SBNO2: variants seen among roughly 807,000 people sequenced by gnomAD.
SBNO2 encodes strawberry notch homolog 2, also known as protein strawberry notch homolog 2.
Under a neutral mutation model 146.3 loss-of-function variants are expected in SBNO2, and 89 were observed. The ratio of observed to expected loss-of-function variants is 0.61; its 90% CI spans 0.51 to 0.73. The LOEUF (loss-of-function observed/expected upper bound fraction) is 0.73. Ranked by LOEUF, SBNO2 falls within the 30% of genes least tolerant of loss-of-function variation. SBNO2 has a pLI of 0.00. For synonymous variants in SBNO2, 1,147 were observed against 892.6 expected, an observed-to-expected ratio of 1.29 and a Z score of -5.08; for missense variants, 2,092 against 2,003.7, an observed-to-expected ratio of 1.04 and a Z score of -0.84.
At chr19:1,148,422 C>T (rs372345727) in intron 3 of SBNO2, among the ~76,000 whole-genome samples, 1 of 151,706 alleles carries the variant, frequency 6.6e-6, no homozygotes, top group African/African-American at 2.4e-5. Context: ...TCCTACCCCC[C>T]CTGCAGAACC....
In SBNO2 at chr19:1,109,136, A is replaced by T; in HGVS notation, c.3424T>A (p.Trp1142Arg). The T allele has an allele frequency of 6.4e-7, 1 of 1,552,220 alleles. No individual in the cohort carries two copies. The highest frequency in any genetic ancestry group is 8.7e-7 in the Non-Finnish European group (1 of 1,148,318). Residue 1142 changes from tryptophan to arginine, a missense_variant and splice_region_variant, in exon 30 of 32, where the codon TGG becomes AGG. Coordinates refer to ENST00000361757, the MANE Select transcript of SBNO2 (RefSeq NM_014963.3). This position sits in a 1 kb window ranked among gnomAD's most constrained non-coding sequence, Gnocchi z 4.2. ...CCCTGGTCCCCGGCCCGCCCTCACC[A>T]GGCGCTGTGGCTGCAGTGCGTCAGC... ...LSLTHCSHSAWNRHCRLAQEG... is the reference protein window; with the variant it reads ...LSLTHCSHSARNRHCRLAQEG...
At position 1,123,025 on chromosome 19, in the gene SBNO2, G is replaced by C; in HGVS notation, c.649C>G (p.Pro217Ala). 1 of 1,591,646 alleles carries C rather than the reference G, an allele frequency of 6.3e-7. No individual in the cohort carries two copies. Among genetic ancestry groups the C allele is most frequent in the South Asian group, 1.1e-5 (1 of 87,174 alleles). Residue 217 changes from proline (P) to alanine (A), a missense_variant, in exon 8 of 32, where the codon CCA becomes GCA. Coordinates refer to ENST00000361757, the MANE Select transcript of SBNO2 (RefSeq NM_014963.3). ...GTGCTGGTCTCCACCACGCGGTCTGGGTGCTGCTTCCCGATCTTGGCTGGA... is the reference window on the plus strand; with the variant it reads ...GTGCTGGTCTCCACCACGCGGTCTGCGTGCTGCTTCCCGATCTTGGCTGGA... ...PSKSKIGKQH[P>A]DRVVETSTLS...
intron 19 of SBNO2, 86 bp from the exon 20 acceptor site, chr19:1,113,035 C>G: frequency 6.9e-7 from 1 of 1,449,462 alleles, no homozygotes; most frequent in Non-Finnish European, 9.2e-7. Context: ...TCCCTATGTC[C>G]TACAGTGGTC....
At position 1,147,529 on chromosome 19, in the gene SBNO2, G is replaced by A. The variant is rs2080204511; in HGVS notation, c.168-109C>T. On this transcript the variant is annotated intron_variant, in intron 3 of 31. Transcript: ENST00000361757. ...GCCAGAGGCCCCTCGAGGCCCCACT[G>A]GAGTGTGCCCAGCCCGGCAGGACCC... is the stretch of plus-strand genomic sequence containing the variant. The A allele has an allele frequency of 1.8e-5, 11 of 608,502 alleles. No individual in the cohort carries two copies. The South Asian group carries it at 2.6e-4, about 14-fold the overall frequency. 37.7% of individuals were successfully genotyped at this position (608,502 alleles called of 1,614,324 possible).
At chr19:1,128,292 G>T in intron 4 of SBNO2, 1 of 417,766 alleles carries the variant, frequency 2.4e-6, no homozygotes, top group Admixed American at 3.1e-5. Flanking sequence ...CATGCCCTGT[G>T]CCGGAGGCAG....
chr19:1,121,540 C>T (rs931606775), intron 11 of SBNO2, among the ~76,000 whole-genome samples: 3 of 152,242 alleles, frequency 2.0e-5, no homozygotes, highest in African/African-American at 7.2e-5. Flanking sequence ...ACCCAAGGTG[C>T]ACCCTGCAGG....
intron 3 of SBNO2, among the ~76,000 whole-genome samples, chr19:1,147,831 C>T (rs1416512308): frequency 2.0e-5 from 3 of 152,090 alleles, no homozygotes; most frequent in Admixed American, 6.5e-5. Context: ...AGGAGGAGAG[C>T]GCTACGGGCA....
chr19:1,170,974 C>T (rs1407100281), intron 1 of SBNO2, among the ~76,000 whole-genome samples: 1 of 151,872 alleles, frequency 6.6e-6, no homozygotes, highest in African/African-American at 2.4e-5. Flanking sequence ...CCAAAATACA[C>T]ACACACAACA....
chr19:1,147,279 C>CA, intron 4 of SBNO2, 30 bp downstream of exon 4: 1 of 1,465,584 alleles, frequency 6.8e-7, no homozygotes. Context: ...CCCTGCCCCC[C>CA]ACGGCGCGGT....
At position 1,147,427 on chromosome 19, in the gene SBNO2, GGAGATGGGGGGGGGGGAGGT is replaced by G; in HGVS notation, c.168-27_168-8del. ...GGCGGAGCTCATGAACGGGCTGGAGGGAGATGGGGGGGGGGGAGGTGAGATGGGGTGCTCAACCCACTCCC... is the reference window on the plus strand; with the variant it reads ...GGCGGAGCTCATGAACGGGCTGGAGGGAGATGGGGTGCTCAACCCACTCCC... On this transcript the variant is annotated splice_region_variant and splice_polypyrimidine_tract_variant and intron_variant, in intron 3 of 31. Transcript: ENST00000361757. 11 of 1,297,848 alleles carry G rather than the reference GGAGATGGGGGGGGGGGAGGT, an allele frequency of 8.5e-6. No homozygotes were observed. The highest frequency in any genetic ancestry group is 2.8e-5 in the East Asian group (1 of 35,450). 80.4% of individuals were successfully genotyped at this position (1,297,848 alleles called of 1,614,324 possible).
chr19:1,151,269 C>A (rs895051623), intron 2 of SBNO2, among the ~76,000 whole-genome samples: 1 of 152,210 alleles, frequency 6.6e-6, no homozygotes, highest in Non-Finnish European at 1.5e-5. Flanking sequence ...CTGGGCAGGG[C>A]CACGGCCAGG....
chr19:1,109,830 G>C lies in SBNO2; in HGVS notation c.3029-53C>G. ...TGTCCAGGCCTGGGACTGTGGGCTG[G>C]GGCCAGGGTCAGTCCCGTAGCCGGG... On this transcript the variant is annotated intron_variant, in intron 26 of 31. Transcript: ENST00000361757. This position sits in a 1 kb window ranked among gnomAD's most constrained non-coding sequence, Gnocchi z 4.2. 7.2e-7 allele frequency: 1 copy of C among 1,388,044 alleles called. No homozygotes were observed. Among genetic ancestry groups the C allele is most frequent in the Non-Finnish European group, 1.0e-6 (1 of 1,003,678 alleles). 86.0% of individuals were successfully genotyped at this position (1,388,044 alleles called of 1,614,324 possible).
At position 1,110,478 on chromosome 19, in the gene SBNO2, G is replaced by A. The variant is rs1437467381; in HGVS notation, c.3028+267C>T. ...GTACCCTCGCTCACCCAGGATGCATGGCGCTTCCACGAGCCCCTTGCCCAC... is the reference window on the plus strand; with the variant it reads ...GTACCCTCGCTCACCCAGGATGCATAGCGCTTCCACGAGCCCCTTGCCCAC... On this transcript the variant is annotated intron_variant, in intron 26 of 31. Transcript: ENST00000361757. The surrounding 1 kb of genome is among the most constrained non-coding windows in gnomAD (Gnocchi z 4.9). Among the ~76,000 whole-genome samples the A allele has an allele frequency of 6.6e-6, 1 of 151,602 alleles. No homozygotes were observed. Among genetic ancestry groups the A allele is most frequent in the Non-Finnish European group, 1.5e-5 (1 of 67,872 alleles).
intron 4 of SBNO2, among the ~76,000 whole-genome samples, chr19:1,138,179 CTGGGGTGCGG>C (rs1367070952): frequency 4.4e-5 from 1 of 22,634 alleles, no homozygotes; most frequent in African/African-American, 1.9e-4. Flanking sequence ...GAGGCTCGGG[CTGGGGTGCGG>C]TGGGGGGAGG....
chr19:1,156,730 T>C (rs2080292995), intron 1 of SBNO2, among the ~76,000 whole-genome samples: 1 of 152,138 alleles, frequency 6.6e-6, no homozygotes, highest in Non-Finnish European at 1.5e-5. Context: ...CGTCACGCTC[T>C]GTGAGAGACG....
In SBNO2 at chr19:1,117,402, C is replaced by T. The variant is rs751771586; in HGVS notation, c.1625G>A (p.Arg542His). The T allele has an allele frequency of 4.4e-6, 7 of 1,589,424 alleles. No individual in the cohort carries two copies. The highest frequency in any genetic ancestry group is 1.3e-5 in the African/African-American group (1 of 74,288). The change falls in exon 15 of 32, where the codon CGC becomes CAC. Residue 542 changes from arginine to histidine, a missense_variant. Transcript: ENST00000361757. The stretch of plus-strand genomic sequence containing the variant: ...TGCGATGCACAGATACTTGAAGAAG[C>T]GCTGGTGTGCCGACCAGAACTGGCC... ...LWGQFWSAHQ[R>H]FFKYLCIAAK...
At chr19:1,132,278 T>G in intron 4 of SBNO2, 2 of 1,312,386 alleles carry the variant, frequency 1.5e-6, no homozygotes, top group South Asian at 4.1e-5. Context: ...GCATGTCGGT[T>G]TAGTCACCGC....
intron 4 of SBNO2, among the ~76,000 whole-genome samples, chr19:1,143,241 G>A (rs1488233417): frequency 2.0e-5 from 3 of 152,180 alleles, no homozygotes; most frequent in African/African-American, 7.2e-5. Context: ...GCTTTGGTAG[G>A]CTCAGGCAGG....
intron 14 of SBNO2, 89 bp downstream of exon 14, chr19:1,118,922 G>A: frequency 7.2e-7 from 1 of 1,380,340 alleles, no homozygotes; most frequent in Non-Finnish European, 9.8e-7. Flanking sequence ...GCCGTCACCT[G>A]ATGACGCCTG....
Sources: gnomAD v4.1 joint callset for allele counts (sites outside exome capture counted in the v4.1 genomes callset) on GRCh38, gnomAD v4.1.1 for gene constraint, Gnocchi (gnomAD v3.1) non-coding constraint, MANE v1.5 for transcripts, NCBI Gene and HGNC (gene_info 2026-07-23, HGNC 2026-07-21) for gene names.